TRABD2B: variants seen among roughly 807,000 people sequenced by gnomAD.
TRABD2B encodes metalloprotease TIKI2.
In TRABD2B, 14 loss-of-function variants were observed where a neutral mutation model predicts 40.1. The ratio of observed to expected loss-of-function variants is 0.35; its 90% CI spans 0.23 to 0.55. TRABD2B has a LOEUF of 0.55. Among genes scored for constraint, TRABD2B ranks in the 20% least tolerant of loss-of-function variants. The pLI, the probability that TRABD2B is intolerant of heterozygous loss-of-function variation, is 0.90. For synonymous variants in TRABD2B, 263 were observed against 277.0 expected, an observed-to-expected ratio of 0.95 and a Z score of 0.50; for missense variants, 541 against 648.6, an observed-to-expected ratio of 0.83 and a Z score of 1.80.
At chr1:47,992,535 C>A (rs1646026945) in intron 2 of TRABD2B, among the ~76,000 whole-genome samples, 1 of 152,166 alleles carries the variant, frequency 6.6e-6, no homozygotes, top group Non-Finnish European at 1.5e-5. Context: ...CCTCACCTCC[C>A]CATCCTAAAA....
At chr1:47,978,134 C>G (rs1191879888) in intron 2 of TRABD2B, among the ~76,000 whole-genome samples, 2 of 152,084 alleles carry the variant, frequency 1.3e-5, no homozygotes, top group Non-Finnish European at 2.9e-5. Flanking sequence ...GTCATTAGGT[C>G]TTGAGAGCGG....
At chr1:47,875,247 G>C (rs755797759) in intron 2 of TRABD2B, among the ~76,000 whole-genome samples, 1 of 151,746 alleles carries the variant, frequency 6.6e-6, no homozygotes, top group African/African-American at 2.4e-5. Context: ...ACTTCTTCCT[G>C]AGTACAGTGG....
intron 2 of TRABD2B, among the ~76,000 whole-genome samples, chr1:47,970,826 G>A (rs1645671209): frequency 6.6e-6 from 1 of 152,148 alleles, no homozygotes; most frequent in Non-Finnish European, 1.5e-5. Flanking sequence ...TGATGGCAGA[G>A]GCACGAGAGG....
chr1:47,803,900 T>C (rs1214283818), intron 2 of TRABD2B, among the ~76,000 whole-genome samples: 1 of 152,214 alleles, frequency 6.6e-6, no homozygotes, highest in Non-Finnish European at 1.5e-5. Flanking sequence ...ACTCTGCATT[T>C]TGAGGCATGC....
At chr1:47,830,399 G>C (rs942454387) in intron 2 of TRABD2B, among the ~76,000 whole-genome samples, 3 of 152,256 alleles carry the variant, frequency 2.0e-5, no homozygotes, top group African/African-American at 7.2e-5. Flanking sequence ...AAGAAATGAA[G>C]TGACTTCGTA....
chr1:47,793,409 C>T (rs939438946), intron 4 of TRABD2B, among the ~76,000 whole-genome samples: 1 of 152,242 alleles, frequency 6.6e-6, no homozygotes, highest in African/African-American at 2.4e-5. Flanking sequence ...GGGGCGAGGC[C>T]CAGCAGATGT....
At chr1:47,937,957 T>G (rs1645135785) in intron 2 of TRABD2B, among the ~76,000 whole-genome samples, 1 of 152,156 alleles carries the variant, frequency 6.6e-6, no homozygotes, top group African/African-American at 2.4e-5. Flanking sequence ...GGGAAAAAAC[T>G]CCTAGCTCCC....
At chr1:47,773,418 G>A (rs1047069526) in intron 6 of TRABD2B, among the ~76,000 whole-genome samples, 6 of 152,270 alleles carry the variant, frequency 3.9e-5, no homozygotes, top group Non-Finnish European at 5.9e-5. Flanking sequence ...TGGTTAGGCT[G>A]TGTCTCCACC....
intron 2 of TRABD2B, among the ~76,000 whole-genome samples, chr1:47,904,565 T>A (rs1644650289): frequency 6.6e-6 from 1 of 152,042 alleles, no homozygotes; most frequent in Non-Finnish European, 1.5e-5. Context: ...AAGGGGTGCT[T>A]GCGAAAAGCC....
intron 3 of TRABD2B, among the ~76,000 whole-genome samples, chr1:47,800,154 T>G (rs1265517865): frequency 6.6e-6 from 1 of 151,998 alleles, no homozygotes; most frequent in Non-Finnish European, 1.5e-5. Context: ...GAGCTTATGA[T>G]CTAGTAGGGA....
At chr1:47,871,119 T>G (rs1644134531) in intron 2 of TRABD2B, among the ~76,000 whole-genome samples, 1 of 152,188 alleles carries the variant, frequency 6.6e-6, no homozygotes, top group African/African-American at 2.4e-5. Flanking sequence ...AACAAGCCTA[T>G]GAGGTAGATA....
intron 2 of TRABD2B, among the ~76,000 whole-genome samples, chr1:47,974,714 T>G (rs1645730188): frequency 6.6e-6 from 1 of 152,132 alleles, no homozygotes; most frequent in Non-Finnish European, 1.5e-5. Context: ...TAGGAATGGG[T>G]TGTTCACAGC....
chr1:47,819,524 C>T (rs1324167557), intron 2 of TRABD2B: 1 of 152,220 alleles, frequency 6.6e-6, no homozygotes, highest in Non-Finnish European at 1.5e-5. Context: ...GACAATTTGC[C>T]TCATTATTTC....
chr1:47,918,202 C>G (rs1047604724), intron 2 of TRABD2B, among the ~76,000 whole-genome samples: 2 of 152,220 alleles, frequency 1.3e-5, no homozygotes, highest in Non-Finnish European at 2.9e-5. Flanking sequence ...GGCAAGGGTT[C>G]ACCTGTCTGT....
chr1:47,766,994 G>A (rs36098733), intron 6 of TRABD2B, among the ~76,000 whole-genome samples: 22,119 of 152,142 alleles, frequency 0.15, 2,342 homozygotes, highest in East Asian at 0.53. Context: ...AGCTGGAGGC[G>A]GGGGCAGGGG....
At chr1:47,853,332 G>C (rs1643854321) in intron 2 of TRABD2B, among the ~76,000 whole-genome samples, 1 of 152,186 alleles carries the variant, frequency 6.6e-6, no homozygotes, top group Admixed American at 6.5e-5. Context: ...AATATTTGCT[G>C]GTACATATTG....
intron 2 of TRABD2B, among the ~76,000 whole-genome samples, chr1:47,944,144 A>C (rs1362719617): frequency 6.6e-6 from 1 of 152,132 alleles, no homozygotes; most frequent in African/African-American, 2.4e-5. Flanking sequence ...AGGACACGGG[A>C]GTGCATGAGC....
chr1:47,856,226 C>G (rs1381364249), intron 2 of TRABD2B, among the ~76,000 whole-genome samples: 1 of 152,216 alleles, frequency 6.6e-6, no homozygotes, highest in African/African-American at 2.4e-5. Context: ...TTCCAGGCAC[C>G]CCTTCCACAC....
At chr1:47,873,993 C>T (rs971648521) in intron 2 of TRABD2B, among the ~76,000 whole-genome samples, 1 of 152,120 alleles carries the variant, frequency 6.6e-6, no homozygotes, top group Non-Finnish European at 1.5e-5. Context: ...TGTCACTTGC[C>T]TCAAAGCTAA....
Sources: gnomAD v4.1 joint callset for allele counts (sites outside exome capture counted in the v4.1 genomes callset) on GRCh38, gnomAD v4.1.1 for gene constraint, MANE v1.5 for transcripts, NCBI Gene and HGNC (gene_info 2026-07-23, HGNC 2026-07-21) for gene names.